CFAP92: variants seen among roughly 807,000 people sequenced by gnomAD.
CFAP92 encodes cilia and flagella associated protein 92 (putative).
Under a neutral mutation model 106.3 loss-of-function variants are expected in CFAP92, and 86 were observed. That is an observed-to-expected ratio of 0.81 (90% CI 0.68 to 0.97). The LOEUF (loss-of-function observed/expected upper bound fraction) is 0.97, where lower values mean the gene tolerates loss of function less well. CFAP92 is among the 50% of genes least tolerant of loss of function. CFAP92 has a pLI of 0.00. For synonymous variants in CFAP92, 477 were observed against 506.4 expected (o/e 0.94, Z 0.78); for missense variants, 1,204 against 1,283.8 (o/e 0.94, Z 0.95).
At chr3:128,910,540 G>A (rs1251894464) in intron 15 of CFAP92, among the ~76,000 whole-genome samples, 3 of 152,204 alleles carry the variant, frequency 2.0e-5, no homozygotes, top group Non-Finnish European at 4.4e-5. Flanking sequence ...AGGAAACAGG[G>A]TCAGAGATGT....
In CFAP92 at chr3:128,977,994, C is replaced by T. The variant is rs1943267086; in HGVS notation, c.808+51G>A. ...CTCCAGCACACCACACAACCGCTTT[C>T]CCTGCCATCGCCTTGCACTCAGCTT... On this transcript the variant is annotated intron_variant, in intron 5 of 15. Coordinates refer to ENST00000645291, the MANE Select transcript of CFAP92 (RefSeq NM_001394090.1). 9 of 1,609,252 alleles carry T rather than the reference C, an allele frequency of 5.6e-6. No homozygotes were observed. In the South Asian group the frequency reaches 7.7e-5, roughly 14 times the overall value.
At chr3:128,978,329 A>G in intron 4 of CFAP92, 144 bp from the exon 5 acceptor site, 2 of 756,492 alleles carry the variant, frequency 2.6e-6, no homozygotes, top group South Asian at 1.9e-5. Context: ...TGAGTCATAC[A>G]TTATCTTCCC....
chr3:129,001,281 G>A (rs1468852605), intron 1 of CFAP92, among the ~76,000 whole-genome samples: 4 of 152,144 alleles, frequency 2.6e-5, no homozygotes, highest in Admixed American at 6.5e-5. Context: ...AGAGTGGACG[G>A]CCGGGAGTGG....
intron 1 of CFAP92, among the ~76,000 whole-genome samples, chr3:129,001,410 G>C (rs1378840477): frequency 2.0e-5 from 3 of 152,228 alleles, no homozygotes; most frequent in African/African-American, 7.2e-5. Flanking sequence ...GGGGTCCCGG[G>C]GGTTCCTGGA....
chr3:128,913,873 T>C (rs1042662973), intron 15 of CFAP92, among the ~76,000 whole-genome samples: 2 of 152,132 alleles, frequency 1.3e-5, no homozygotes, highest in African/African-American at 2.4e-5. Context: ...GCTTAGAGTT[T>C]CTTTGCACAG....
chr3:128,960,254 T>C (rs1941787425), intron 9 of CFAP92, among the ~76,000 whole-genome samples: 1 of 152,260 alleles, frequency 6.6e-6, no homozygotes, highest in Non-Finnish European at 1.5e-5. Flanking sequence ...GCATGAAATG[T>C]GGTGCCGTGA....
intron 12 of CFAP92, among the ~76,000 whole-genome samples, chr3:128,924,197 A>G (rs1472872338): frequency 6.6e-6 from 1 of 152,094 alleles, no homozygotes; most frequent in East Asian, 1.9e-4. Context: ...AGAGTCTTGG[A>G]ACATGTCTGG....
chr3:128,932,638 C>G, intron 12 of CFAP92, 62 bp downstream of exon 12: 1 of 1,454,230 alleles, frequency 6.9e-7, no homozygotes, highest in Non-Finnish European at 9.1e-7. Flanking sequence ...TGCCTCTCAG[C>G]AGGCGCCTGG....
At chr3:128,972,723 C>T (rs774501420) in intron 7 of CFAP92, among the ~76,000 whole-genome samples, 15 of 151,760 alleles carry the variant, frequency 9.9e-5, no homozygotes, top group Non-Finnish European at 1.8e-4. Context: ...GGTGTGGTGG[C>T]GGGCATCTGT....
chr3:128,981,027 G>A (rs1257160655), intron 4 of CFAP92, among the ~76,000 whole-genome samples: 1 of 151,218 alleles, frequency 6.6e-6, no homozygotes, highest in Non-Finnish European at 1.5e-5. Flanking sequence ...CTTTCCGGAA[G>A]CTTTTTCTTT....
intron 15 of CFAP92, among the ~76,000 whole-genome samples, chr3:128,913,583 A>G (rs1314198780): frequency 2.6e-5 from 4 of 152,146 alleles, no homozygotes; most frequent in Non-Finnish European, 4.4e-5. Context: ...CCTTGAGCAC[A>G]GAGAAGGCAG....
chr3:128,915,438 T>TCC lies in CFAP92; in HGVS notation c.3040_3041dup (p.Phe1015AspfsTer4). 6.5e-7 allele frequency: 1 copy of TCC among 1,536,138 alleles called. No homozygotes were observed. The highest frequency in any genetic ancestry group is 1.2e-5 in the South Asian group (1 of 84,058). On this transcript the variant is annotated frameshift_variant, in exon 14 of 16. Coordinates refer to ENST00000645291, the MANE Select transcript of CFAP92 (RefSeq NM_001394090.1). LOFTEE classifies it high-confidence loss of function. ...CGCTCTGAAGACCTGTCACTTGGAA[T>TCC]CCCCTGGCTGTGAGCCAGGCCTGGC...
At chr3:129,022,100 C>T in the CFAP92 span, among the ~76,000 whole-genome samples, 3 of 152,136 alleles carry the variant, frequency 2.0e-5, no homozygotes, top group Admixed American at 6.5e-5. Flanking sequence ...AGCTTCAGAT[C>T]CTCTAGGATC....
rs146198221 is a variant in CFAP92, at chr3:128,910,289, T to G, written c.*10A>C. On this transcript the variant is annotated 3_prime_UTR_variant, in exon 16 of 16. Transcript: ENST00000645291. ...TCACCATGCGGTGGCCGTGGGAGGG[T>G]CTGTGCTGCTCAGGAGATGGGGCTG... The G allele has an allele frequency of 2.1e-4, 322 of 1,510,724 alleles. No homozygotes were observed. Among genetic ancestry groups the G allele is most frequent in the Middle Eastern group, 1.4e-3 (8 of 5,798 alleles). The allele number at this position is 1,510,724 out of a possible 1,614,324, so 93.6% of individuals were successfully genotyped here. A position where few individuals can be genotyped will look rare whatever the true frequency, so the allele number is the denominator to read the frequency against.
intron 11 of CFAP92, among the ~76,000 whole-genome samples, chr3:128,933,719 GTTC>G (rs1397565133): frequency 2.6e-5 from 4 of 152,190 alleles, no homozygotes; most frequent in South Asian, 4.1e-4. Flanking sequence ...CCTAAAAAGT[GTTC>G]TTCTGTTTCC....
intron 10 of CFAP92, among the ~76,000 whole-genome samples, chr3:128,940,228 C>A (rs1939491298): frequency 6.6e-6 from 1 of 152,118 alleles, no homozygotes; most frequent in Non-Finnish European, 1.5e-5. Flanking sequence ...CTGTTTCCAT[C>A]TTTTGGCTAT....
At chr3:128,987,110 G>A (rs1164425417) in intron 4 of CFAP92, among the ~76,000 whole-genome samples, 3 of 152,064 alleles carry the variant, frequency 2.0e-5, no homozygotes, top group Non-Finnish European at 2.9e-5. Context: ...GCAGTGAGCC[G>A]AGATCGCACC....
intron 10 of CFAP92, among the ~76,000 whole-genome samples, chr3:128,935,964 C>T (rs539741135): frequency 5.9e-5 from 9 of 152,364 alleles, no homozygotes; most frequent in African/African-American, 1.2e-4. Flanking sequence ...GACACAACAT[C>T]TTTCAACACC....
upstream of CFAP92, among the ~76,000 whole-genome samples, chr3:128,998,207 G>C (rs1944553211): frequency 6.6e-6 from 1 of 152,074 alleles, no homozygotes; most frequent in African/African-American, 2.4e-5. Context: ...GTCCTTTACT[G>C]GGCATATGTT....
Sources: gnomAD v4.1 joint callset for allele counts (sites outside exome capture counted in the v4.1 genomes callset) on GRCh38, gnomAD v4.1.1 for gene constraint, MANE v1.5 for transcripts, NCBI Gene and HGNC (gene_info 2026-07-23, HGNC 2026-07-21) for gene names.